The following KIF13B variants were observed in gnomAD, a reference collection of about 807,000 sequenced individuals.
KIF13B encodes kinesin family member 13B, also known as kinesin-like protein KIF13B.
KIF13B carries 127 observed loss-of-function variants against 222.0 expected under a neutral mutation model. The ratio of observed to expected loss-of-function variants is 0.57; its 90% CI spans 0.50 to 0.66. The LOEUF (loss-of-function observed/expected upper bound fraction) is 0.66. Ranked by LOEUF, KIF13B falls within the 30% of genes least tolerant of loss-of-function variation. The probability of loss-of-function intolerance (pLI) is 0.00; values close to 1 mark genes in which losing one functional copy is unlikely to be tolerated. For missense variants in KIF13B, 2,173 were observed against 2,379.0 expected (o/e 0.91, Z 1.80); for synonymous variants, 976 against 919.0 (o/e 1.06, Z -1.12).
chr8:29,179,264 G>A (rs1425482095), intron 8 of KIF13B, among the ~76,000 whole-genome samples: 1 of 152,002 alleles, frequency 6.6e-6, no homozygotes, highest in African/African-American at 2.4e-5. Context: ...CTATGGGCAT[G>A]AACCACCCAC....
At chr8:29,235,879 T>A (rs1045698898) in intron 2 of KIF13B, among the ~76,000 whole-genome samples, 1 of 152,122 alleles carries the variant, frequency 6.6e-6, no homozygotes, top group African/African-American at 2.4e-5. Flanking sequence ...TTCCCTAGGG[T>A]AATGTCAGAA....
At chr8:29,106,632 C>CAAAA (rs71222590) in intron 35 of KIF13B, among the ~76,000 whole-genome samples, 6 of 56,468 alleles carry the variant, frequency 1.1e-4, no homozygotes, top group African/African-American at 8.5e-5. Flanking sequence ...AACTCTGTCT[C>CAAAA]AAAAAAAAAA....
chr8:29,221,151 G>A (rs55999850), intron 2 of KIF13B, among the ~76,000 whole-genome samples: 19,294 of 139,378 alleles, frequency 0.14, 1,582 homozygotes, highest in Admixed American at 0.22. Context: ...CACCCAGGCT[G>A]GAGTGCAGTG....
chr8:29,097,090 T>G (rs1337780368), intron 36 of KIF13B, among the ~76,000 whole-genome samples: 1 of 152,128 alleles, frequency 6.6e-6, no homozygotes, highest in Non-Finnish European at 1.5e-5. Context: ...CGCTTTTAAT[T>G]TAAAGACAAA....
At chr8:29,200,075 C>T (rs1231874962) in intron 2 of KIF13B, among the ~76,000 whole-genome samples, 1 of 152,026 alleles carries the variant, frequency 6.6e-6, no homozygotes, top group African/African-American at 2.4e-5. Flanking sequence ...ATGGGACTAA[C>T]CTGAATTCAC....
rs1563681406 is a variant in KIF13B, at chr8:29,077,081, A to G, written c.4459-1738T>C. Among the ~76,000 whole-genome samples, 3 of 152,348 alleles carry G rather than the reference A, an allele frequency of 2.0e-5. No homozygotes were observed. In the East Asian group the frequency reaches 5.8e-4, roughly 29 times the overall value. ...GAGTTCCTGGGGTGGTCTGAGGCCCAGGACAGCTAGGACCAGGGTGCATTA... is the reference window on the plus strand; with the variant it reads ...GAGTTCCTGGGGTGGTCTGAGGCCCGGGACAGCTAGGACCAGGGTGCATTA... On this transcript the variant is annotated intron_variant, in intron 37 of 39. Coordinates refer to ENST00000524189, the MANE Select transcript of KIF13B (RefSeq NM_015254.4).
chr8:29,096,637 T>C (rs2133563209), intron 36 of KIF13B, among the ~76,000 whole-genome samples: 1 of 152,068 alleles, frequency 6.6e-6, no homozygotes, highest in South Asian at 2.1e-4. Flanking sequence ...GAGGTTTGAA[T>C]ACCTATATAT....
intron 10 of KIF13B, among the ~76,000 whole-genome samples, chr8:29,169,594 T>C (rs958392449): frequency 6.6e-6 from 1 of 152,248 alleles, no homozygotes; most frequent in African/African-American, 2.4e-5. Flanking sequence ...GAAAACATAA[T>C]TATATTGCTG....
chr8:29,130,930 T>C (rs907236859), intron 23 of KIF13B, among the ~76,000 whole-genome samples: 3 of 152,192 alleles, frequency 2.0e-5, no homozygotes, highest in Non-Finnish European at 2.9e-5. Flanking sequence ...AAGTCGTTAC[T>C]CAAAAATTGG....
At chr8:29,249,161 C>T (rs1235127211) in intron 1 of KIF13B, among the ~76,000 whole-genome samples, 1 of 152,144 alleles carries the variant, frequency 6.6e-6, no homozygotes, top group Non-Finnish European at 1.5e-5. Context: ...GGCACAGTGG[C>T]TCATGCCTGT....
At chr8:29,154,414 C>G (rs1324344675) in intron 14 of KIF13B, among the ~76,000 whole-genome samples, 1 of 151,560 alleles carries the variant, frequency 6.6e-6, no homozygotes, top group Admixed American at 6.6e-5. Context: ...GGAGGGGAGG[C>G]AGGGAGCCGG....
chr8:29,116,289 G>A (rs1382406970), intron 31 of KIF13B, among the ~76,000 whole-genome samples: 2 of 152,160 alleles, frequency 1.3e-5, no homozygotes, highest in African/African-American at 4.8e-5. Flanking sequence ...GCAGCATGGC[G>A]AGACCCCGTC....
intron 37 of KIF13B, among the ~76,000 whole-genome samples, chr8:29,088,005 C>T (rs188254102): frequency 1.0e-3 from 157 of 152,234 alleles, no homozygotes; most frequent in African/African-American, 3.7e-3. Flanking sequence ...CAGTGGTTCA[C>T]GCCTGTAATC....
At chr8:29,220,185 G>A (rs1235351870) in intron 2 of KIF13B, among the ~76,000 whole-genome samples, 1 of 152,196 alleles carries the variant, frequency 6.6e-6, no homozygotes, top group Non-Finnish European at 1.5e-5. Flanking sequence ...AAACTGAAAT[G>A]TAAGGCTACG....
At chr8:29,247,591 G>T (rs1816085755) in intron 1 of KIF13B, among the ~76,000 whole-genome samples, 2 of 152,004 alleles carry the variant, frequency 1.3e-5, no homozygotes, top group African/African-American at 2.4e-5. Flanking sequence ...GACTTTGAGA[G>T]ACCAAATTGG....
chr8:29,167,624 T>G, intron 10 of KIF13B, 39 bp from the exon 11 acceptor site: 1 of 1,533,214 alleles, frequency 6.5e-7, no homozygotes, highest in Non-Finnish European at 9.0e-7. Flanking sequence ...CATATTAAAG[T>G]TGGAAGAAGA....
intron 32 of KIF13B, among the ~76,000 whole-genome samples, chr8:29,111,856 T>G (rs1004754064): frequency 2.0e-5 from 3 of 152,238 alleles, no homozygotes; most frequent in African/African-American, 7.2e-5. Flanking sequence ...AGTCTCTAGC[T>G]AGACATAGAT....
intron 2 of KIF13B, among the ~76,000 whole-genome samples, chr8:29,236,473 G>T (rs1815512964): frequency 6.6e-6 from 1 of 151,994 alleles, no homozygotes; most frequent in East Asian, 1.9e-4. Context: ...CATAACAAAA[G>T]TTTTTAAAAA....
chr8:29,203,063 G>A (rs747351149), intron 2 of KIF13B, among the ~76,000 whole-genome samples: 23 of 152,116 alleles, frequency 1.5e-4, no homozygotes, highest in Non-Finnish European at 2.8e-4. Flanking sequence ...AGGACCACTC[G>A]GTTTGTCTCA....
Sources: gnomAD v4.1 joint callset for allele counts (sites outside exome capture counted in the v4.1 genomes callset) on GRCh38, gnomAD v4.1.1 for gene constraint, MANE v1.5 for transcripts, NCBI Gene and HGNC (gene_info 2026-07-23, HGNC 2026-07-21) for gene names.